ANAPC7: variants seen among roughly 807,000 people sequenced by gnomAD.
The protein encoded by ANAPC7 is anaphase-promoting complex subunit 7.
ANAPC7 carries 25 observed loss-of-function variants against 63.3 expected under a neutral mutation model. The ratio of observed to expected loss-of-function variants is 0.39; its 90% confidence interval spans 0.29 to 0.55. The LOEUF (loss-of-function observed/expected upper bound fraction) is 0.55. Among genes scored for constraint, ANAPC7 ranks in the 20% least tolerant of loss-of-function variants. The probability of loss-of-function intolerance (pLI) is 0.57; values close to 1 mark genes in which losing one functional copy is unlikely to be tolerated. For missense variants in ANAPC7, 516 were observed against 691.7 expected (o/e 0.75, Z 2.85); for synonymous variants, 241 against 251.7 (o/e 0.96, Z 0.40).
intron 8 of ANAPC7, among the ~76,000 whole-genome samples, chr12:110,380,036 G>C (rs767125699): frequency 6.6e-6 from 1 of 152,164 alleles, no homozygotes; most frequent in African/African-American, 2.4e-5. Flanking sequence ...CTGGCCCAAG[G>C]TAAGATGGCC....
rs1263400850 is a variant in ANAPC7 at position 110,403,644 on chromosome 12, G to A, written c.-17C>T. ...CACATTCATCCTGCTCTGCAAAGCC[G>A]CGGGCAGCGGCGGCAGCACTGACTC... On this transcript the variant is annotated 5_prime_UTR_variant, in exon 1 of 11. Coordinates refer to ENST00000455511, the MANE Select transcript of ANAPC7 (RefSeq NM_016238.3). 1.1e-5 allele frequency: 17 copies of A among 1,578,960 alleles called. No individual in the cohort carries two copies. Among genetic ancestry groups the A allele is most frequent in the South Asian group, 2.3e-5 (2 of 87,002 alleles).
rs1299650477 is a variant in ANAPC7 at position 110,402,369 on chromosome 12, G to T, written c.101+1158C>A. ...TTTTGAGACGGAGTCTCGCTCTGTC[G>T]TCCAGGCTGGAGTGCAGTGGTGCTA... On this transcript the variant is annotated intron_variant, in intron 1 of 10. Transcript: ENST00000455511. Among the ~76,000 whole-genome samples the T allele has an allele frequency of 4.7e-5, 7 of 150,156 alleles. No individual in the cohort carries two copies. The East Asian group carries it at 1.2e-3, about 25-fold the overall frequency.
chr12:110,382,453 AAAAAAAAAATAT>A (rs1398022959), intron 7 of ANAPC7, among the ~76,000 whole-genome samples: 11 of 71,866 alleles, frequency 1.5e-4, no homozygotes, highest in African/African-American at 5.5e-4. Flanking sequence ...AAAAAAAAAA[AAAAAAAAAATAT>A]ATATATATAT....
At chr12:110,379,428 C>T (rs192824417) in intron 8 of ANAPC7, among the ~76,000 whole-genome samples, 255 of 152,318 alleles carry the variant, frequency 1.7e-3, no homozygotes, top group Non-Finnish European at 3.0e-3. Flanking sequence ...GGGAAACATC[C>T]GCTGTCCAAA....
chr12:110,401,053 A>G (rs1402453229), intron 1 of ANAPC7, among the ~76,000 whole-genome samples: 1 of 152,190 alleles, frequency 6.6e-6, no homozygotes, highest in African/African-American at 2.4e-5. Flanking sequence ...CCGTCTGAAA[A>G]GCAAAACAAA....
chr12:110,392,541 G>A (rs1314587305), intron 3 of ANAPC7, among the ~76,000 whole-genome samples: 4 of 152,076 alleles, frequency 2.6e-5, no homozygotes, highest in Non-Finnish European at 4.4e-5. Flanking sequence ...TTAAGCACAA[G>A]TTGCACAAAA....
At chr12:110,401,990 A>G (rs1406792261) in intron 1 of ANAPC7, among the ~76,000 whole-genome samples, 1 of 150,514 alleles carries the variant, frequency 6.6e-6, no homozygotes, top group Non-Finnish European at 1.5e-5. Flanking sequence ...AGACTGGTCA[A>G]TATAGTGAAA....
chr12:110,376,892 G>A (rs1035132934), intron 9 of ANAPC7, among the ~76,000 whole-genome samples: 1 of 151,902 alleles, frequency 6.6e-6, no homozygotes, highest in African/African-American at 2.4e-5. Flanking sequence ...GGAGGCCGAG[G>A]CGGGTGGATC....
At chr12:110,396,117 G>A in intron 2 of ANAPC7, 149 bp downstream of exon 2, 2 of 677,238 alleles carry the variant, frequency 3.0e-6, no homozygotes, top group South Asian at 1.7e-5. Context: ...CGGAGCTCAG[G>A]CAGTAATATT....
In ANAPC7 at chr12:110,376,568, C is replaced by CAGAAAAA. The variant is rs1881293218; in HGVS notation, c.1358-353_1358-352insTTTTTCT. Reference sequence around the variant, plus strand: ...TGGGCAACAGAGCGAGACTCCATCTCAAAAAAAAAAAAAAAAAAGAAATTT... The same window carrying CAGAAAAA: ...TGGGCAACAGAGCGAGACTCCATCTCAGAAAAAAAAAAAAAAAAAAAAAAAGAAATTT... On this transcript the variant is annotated intron_variant, in intron 9 of 10. Transcript: ENST00000455511. 3.2e-5 allele frequency among the ~76,000 whole-genome samples: 2 copies of CAGAAAAA among 62,400 alleles called. 1 individual carries two copies. Among genetic ancestry groups the CAGAAAAA allele is most frequent in the Non-Finnish European group, 5.4e-5 (2 of 37,224 alleles). 40.9% of individuals were successfully genotyped at this position (62,400 alleles called of 152,430 possible).
chr12:110,392,368 G>A (rs944837660), intron 3 of ANAPC7, among the ~76,000 whole-genome samples: 2 of 147,448 alleles, frequency 1.4e-5, no homozygotes, highest in Admixed American at 6.6e-5. Flanking sequence ...AATATGAGGA[G>A]GTGCTTAAAC....
intron 3 of ANAPC7, among the ~76,000 whole-genome samples, chr12:110,392,954 C>G (rs1338526184): frequency 6.6e-6 from 1 of 152,110 alleles, no homozygotes; most frequent in African/African-American, 2.4e-5. Flanking sequence ...CGCCACCACA[C>G]CCGGCTAATT....
At chr12:110,401,891 G>A (rs1258097161) in intron 1 of ANAPC7, among the ~76,000 whole-genome samples, 14 of 146,464 alleles carry the variant, frequency 9.6e-5, no homozygotes, top group African/African-American at 3.3e-4. Context: ...GGATAATGGC[G>A]TGAACCCAGA....
intron 5 of ANAPC7, chr12:110,387,161 T>C (rs1882523827): frequency 6.8e-6 from 1 of 147,800 alleles, no homozygotes. Context: ...GCCCGGGAGA[T>C]TGACAGGTCA....
chr12:110,391,585 A>C (rs1221252140), intron 3 of ANAPC7, among the ~76,000 whole-genome samples: 1 of 152,228 alleles, frequency 6.6e-6, no homozygotes, highest in Non-Finnish European at 1.5e-5. Flanking sequence ...AGAGCACTAC[A>C]GAATGAAGGA....
At chr12:110,398,123 G>A (rs919204712) in intron 1 of ANAPC7, among the ~76,000 whole-genome samples, 1 of 151,894 alleles carries the variant, frequency 6.6e-6, no homozygotes, top group African/African-American at 2.4e-5. Context: ...GCGAGTGCCT[G>A]TAATCCCAGC....
intron 1 of ANAPC7, among the ~76,000 whole-genome samples, chr12:110,397,672 C>T (rs1304195867): frequency 1.3e-5 from 2 of 151,756 alleles, no homozygotes; most frequent in South Asian, 2.1e-4. Flanking sequence ...CCAAGGCAGG[C>T]GGATCACCTG....
At chr12:110,402,689 T>C (rs2062249362) in intron 1 of ANAPC7, among the ~76,000 whole-genome samples, 1 of 151,762 alleles carries the variant, frequency 6.6e-6, no homozygotes, top group African/African-American at 2.4e-5. Flanking sequence ...ATCAGCTCAG[T>C]GCTTCAAGGA....
At chr12:110,383,869 C>A in intron 6 of ANAPC7, among the ~76,000 whole-genome samples, 1 of 108,128 alleles carries the variant, frequency 9.2e-6, no homozygotes, top group African/African-American at 3.9e-5. Flanking sequence ...GAGCGAGACT[C>A]CGTCTCAAAA....
Sources: gnomAD v4.1 joint callset for allele counts (sites outside exome capture counted in the v4.1 genomes callset) on GRCh38, gnomAD v4.1.1 for gene constraint, MANE v1.5 for transcripts, NCBI Gene and HGNC (gene_info 2026-07-23, HGNC 2026-07-21) for gene names.